Variants in KIAA1549L observed in about 807,000 individuals in gnomAD.
The protein encoded by KIAA1549L is UPF0606 protein KIAA1549L.
Under a neutral mutation model 160.7 loss-of-function variants are expected in KIAA1549L, and 88 were observed. That is an observed-to-expected ratio of 0.55 (90% CI 0.46 to 0.65). The LOEUF is 0.65. Among genes scored for constraint, KIAA1549L ranks in the 30% least tolerant of loss-of-function variants. The pLI is 0.00. For missense variants in KIAA1549L, 2,258 were observed against 2,437.5 expected (o/e 0.93, Z 1.55); for synonymous variants, 950 against 976.7 (o/e 0.97, Z 0.51).
intron 1 of KIAA1549L, among the ~76,000 whole-genome samples, chr11:33,480,805 G>C (rs898664845): frequency 6.6e-6 from 1 of 152,192 alleles, no homozygotes; most frequent in South Asian, 2.1e-4. Context: ...TGCCAAGGCT[G>C]GGGGCCTTAT....
intron 1 of KIAA1549L, among the ~76,000 whole-genome samples, chr11:33,455,197 A>C (rs1851798352): frequency 1.3e-5 from 2 of 152,248 alleles, no homozygotes; most frequent in African/African-American, 4.8e-5. Context: ...GGTTAGCTAC[A>C]AGACCCATTC....
Position 33,408,596 on chromosome 11 carries a change from GT to G in KIAA1549L, c.238+31714del, listed in dbSNP as rs566460718. Among the ~76,000 whole-genome samples the G allele has an allele frequency of 1.7e-3, 255 of 150,876 alleles. 7 individuals are homozygous for G. Among genetic ancestry groups the G allele is most frequent in the Admixed American group, 0.017 (252 of 15,150 alleles). On this transcript the variant is annotated intron_variant, in intron 1 of 20. Coordinates refer to ENST00000658780, the MANE Select transcript of KIAA1549L (RefSeq NM_012194.3). ...ACACACAGATGCCTCATGTGAGCAA[GT>G]TTTTTTGGCACCTCTCTGTCCCAGT...
In KIAA1549L at chr11:33,542,931, T is replaced by A; in HGVS notation, c.1368T>A (p.Asn456Lys). ...NPLHLSAAPE[N>K]SRGPALSAEH... ...TGCATTTGTCAGCAGCTCCAGAGAA[T>A]TCCAGAGGGCCCGCCCTTTCGGCAG... Residue 456 changes from asparagine (N) to lysine (K), a missense_variant, in exon 2 of 21, where the codon AAT (asparagine) becomes AAA (lysine). Asn to Lys is a moderately conservative substitution (Grantham distance 94). Around this residue, in one of 6 missense-constraint regions of KIAA1549L, gnomAD observed 540 missense variants for 465.7 expected, o/e 1.16. Transcript: ENST00000658780. 6.2e-7 allele frequency: 1 copy of A among 1,614,060 alleles called. No individual in the cohort carries two copies. Among genetic ancestry groups the A allele is most frequent in the Non-Finnish European group, 8.5e-7 (1 of 1,179,900 alleles).
chr11:33,427,436 T>G (rs1851141578), intron 1 of KIAA1549L, among the ~76,000 whole-genome samples: 1 of 152,156 alleles, frequency 6.6e-6, no homozygotes, highest in African/African-American at 2.4e-5. Flanking sequence ...ATCATAGATA[T>G]GCATGCTGAT....
intron 1 of KIAA1549L, among the ~76,000 whole-genome samples, chr11:33,466,044 C>A (rs1458669805): frequency 6.6e-6 from 1 of 152,220 alleles, no homozygotes; most frequent in Non-Finnish European, 1.5e-5. Flanking sequence ...GACTGACATT[C>A]TCATCTCCAT....
At chr11:33,500,660 G>A (rs995233488) in intron 1 of KIAA1549L, among the ~76,000 whole-genome samples, 2 of 151,968 alleles carry the variant, frequency 1.3e-5, no homozygotes, top group Non-Finnish European at 2.9e-5. Flanking sequence ...AAAAGATTTG[G>A]AATGGTCCCA....
chr11:33,552,129 C>T lies in KIAA1549L; in HGVS notation c.3743C>T (p.Ala1248Val), dbSNP rs368484915. Residue 1248 changes from alanine (A) to valine (V), a missense_variant, in exon 6 of 21, where the codon GCG (alanine) becomes GTG (valine). Around this residue, in one of 6 missense-constraint regions of KIAA1549L, gnomAD observed 1,359 missense variants for 1,546.6 expected, o/e 0.88. Coordinates refer to ENST00000658780, the MANE Select transcript of KIAA1549L (RefSeq NM_012194.3). ...LKTVLQFVSQ[A>V]DNIQSCKFAQ... is the part of the protein sequence containing the mutation. ...CTAGTGCTGCAGTTTGTGAGCCAAG[C>T]GGACAACATACAGTCCTGCAAGTTT... is the stretch of plus-strand genomic sequence containing the variant. 9.4e-5 allele frequency: 152 copies of T among 1,613,282 alleles called. No individual in the cohort carries two copies. Among genetic ancestry groups the T allele is most frequent in the Non-Finnish European group, 1.2e-4 (147 of 1,179,676 alleles).
chr11:33,431,141 C>T (rs1295152654), intron 1 of KIAA1549L, among the ~76,000 whole-genome samples: 1 of 151,730 alleles, frequency 6.6e-6, no homozygotes, highest in Admixed American at 6.6e-5. Context: ...CTCGTGGGCT[C>T]GCTGGCTTCA....
chr11:33,404,221 G>T (rs900759486), intron 1 of KIAA1549L, among the ~76,000 whole-genome samples: 7 of 152,190 alleles, frequency 4.6e-5, no homozygotes, highest in Non-Finnish European at 7.3e-5. Context: ...TGGTGAAAGA[G>T]TTTCAATAAA....
At chr11:33,455,458 C>T (rs1851803885) in intron 1 of KIAA1549L, among the ~76,000 whole-genome samples, 1 of 152,054 alleles carries the variant, frequency 6.6e-6, no homozygotes, top group African/African-American at 2.4e-5. Context: ...TTCCTGGGGG[C>T]TGGTGTAGAT....
chr11:33,585,532 AT>A (rs1363568589), intron 11 of KIAA1549L, among the ~76,000 whole-genome samples: 1 of 152,190 alleles, frequency 6.6e-6, no homozygotes, highest in Non-Finnish European at 1.5e-5. Flanking sequence ...AAATAAAAAA[AT>A]AAAAAATAAA....
intron 1 of KIAA1549L, among the ~76,000 whole-genome samples, chr11:33,421,373 A>G (rs1851008727): frequency 6.6e-6 from 1 of 152,116 alleles, no homozygotes; most frequent in Admixed American, 6.5e-5. Flanking sequence ...GAGCTTTTAG[A>G]TTTCTAGAGC....
chr11:33,390,497 C>T (rs1251274213), intron 1 of KIAA1549L, among the ~76,000 whole-genome samples: 1 of 152,214 alleles, frequency 6.6e-6, no homozygotes, highest in Non-Finnish European at 1.5e-5. Context: ...CAAGACTCTG[C>T]CCCAGTTCCA....
chr11:33,547,618 C>G (rs1854308838), intron 3 of KIAA1549L, 146 bp from the exon 4 acceptor site: 1 of 600,642 alleles, frequency 1.7e-6, no homozygotes, highest in Non-Finnish European at 3.0e-6. Context: ...AGAGCTACCA[C>G]CCCAGCGCAC....
chr11:33,565,041 C>T (rs1367299167), intron 8 of KIAA1549L, among the ~76,000 whole-genome samples: 6 of 152,124 alleles, frequency 3.9e-5, no homozygotes, highest in East Asian at 1.9e-4. Context: ...AGCTGAGTCA[C>T]GGGTGGCCAA....
At chr11:33,610,903 G>A (rs924014557) in intron 15 of KIAA1549L, among the ~76,000 whole-genome samples, 1 of 152,224 alleles carries the variant, frequency 6.6e-6, no homozygotes, top group African/African-American at 2.4e-5. Context: ...CATGGCAGAA[G>A]GCAGAGGGCA....
At chr11:33,511,645 A>G (rs1470870349) in intron 1 of KIAA1549L, among the ~76,000 whole-genome samples, 1 of 152,212 alleles carries the variant, frequency 6.6e-6, no homozygotes, top group African/African-American at 2.4e-5. Context: ...ATGGATGACT[A>G]TGAGGTCTAA....
chr11:33,558,706 G>T (rs916429425), intron 6 of KIAA1549L, among the ~76,000 whole-genome samples: 1 of 152,092 alleles, frequency 6.6e-6, no homozygotes, highest in Admixed American at 6.6e-5. Context: ...AACTAGCTTC[G>T]ACAAAATGTG....
In KIAA1549L at chr11:33,376,706, C is replaced by A. The variant is rs1283821281; in HGVS notation, c.55C>A (p.Arg19=). 1 of 150,832 alleles carries A rather than the reference C, an allele frequency of 6.6e-6. No individual in the cohort carries two copies. Among genetic ancestry groups the A allele is most frequent in the East Asian group, 1.9e-4 (1 of 5,148 alleles). 9.3% of individuals were successfully genotyped at this position (150,832 alleles called of 1,614,324 possible). A position where few individuals can be genotyped will look rare whatever the true frequency, so the allele number is the denominator to read the frequency against. The change falls in exon 1 of 21, where the codon CGG becomes AGG. Residue 19 remains arginine (R), a synonymous_variant. Transcript: ENST00000658780. The surrounding 1 kb of genome is among the most constrained non-coding windows in gnomAD (Gnocchi z 5.8). Reference sequence around the variant, plus strand: ...CTCAAGGGAAGCTGGGCCCGCGACGCGGGGGCGCGGGGGCCGGCCCGTGGC... The same window carrying A: ...CTCAAGGGAAGCTGGGCCCGCGACGAGGGGGCGCGGGGGCCGGCCCGTGGC... ...QGSREAGPAT[R]GRGGRPVARG...
Sources: gnomAD v4.1 joint callset for allele counts (sites outside exome capture counted in the v4.1 genomes callset) on GRCh38, gnomAD v4.1.1 for gene constraint, gnomAD v4.1.1 regional missense constraint, Gnocchi (gnomAD v3.1) non-coding constraint, MANE v1.5 for transcripts, NCBI Gene and HGNC (gene_info 2026-07-23, HGNC 2026-07-21) for gene names.